Variants in CHN1 observed in about 807,000 individuals in gnomAD.
CHN1 encodes chimerin 1.
In CHN1, 37 loss-of-function variants were observed where a neutral mutation model predicts 59.5. The ratio of observed to expected loss-of-function variants is 0.62; its 90% CI spans 0.48 to 0.82. CHN1 has a LOEUF of 0.82. Ranked by LOEUF, CHN1 falls within the 40% of genes least tolerant of loss-of-function variation. CHN1 has a pLI of 0.00. For synonymous variants in CHN1, 206 were observed against 200.4 expected (o/e 1.03, Z -0.24); for missense variants, 469 against 571.0 (o/e 0.82, Z 1.82).
intron 3 of CHN1, among the ~76,000 whole-genome samples, chr2:174,924,030 G>A (rs943254794): frequency 1.3e-5 from 2 of 151,808 alleles, no homozygotes; most frequent in Non-Finnish European, 2.9e-5. Context: ...ATAGTAAAGG[G>A]GATCACAATA....
intron 11 of CHN1, among the ~76,000 whole-genome samples, chr2:174,808,116 T>C (rs945473006): frequency 1.3e-5 from 2 of 152,246 alleles, no homozygotes; most frequent in African/African-American, 2.4e-5. Context: ...TGATATAAAA[T>C]AGTGCTTTTT....
intron 8 of CHN1, among the ~76,000 whole-genome samples, chr2:174,818,428 G>A (rs186289723): frequency 3.3e-5 from 5 of 152,028 alleles, no homozygotes; most frequent in Admixed American, 1.3e-4. Flanking sequence ...AGGGACTAAC[G>A]GTATATCAAT....
intron 6 of CHN1, among the ~76,000 whole-genome samples, chr2:174,860,743 A>G (rs1386471512): frequency 6.6e-6 from 1 of 152,156 alleles, no homozygotes; most frequent in Admixed American, 6.6e-5. Flanking sequence ...TTTTCTAACA[A>G]AAGTTGAATT....
intron 3 of CHN1, among the ~76,000 whole-genome samples, chr2:174,918,778 T>C (rs937997286): frequency 1.3e-5 from 2 of 152,220 alleles, no homozygotes; most frequent in South Asian, 2.1e-4. Context: ...TAAAATGCTA[T>C]GTATGTAGTT....
intron 6 of CHN1, among the ~76,000 whole-genome samples, chr2:174,852,736 CA>C: frequency 6.6e-6 from 1 of 152,198 alleles, no homozygotes; most frequent in Non-Finnish European, 1.5e-5. Flanking sequence ...AACAGACACA[CA>C]GACCAATGGA....
At chr2:174,940,471 G>C (rs929041268) in intron 3 of CHN1, among the ~76,000 whole-genome samples, 1 of 151,760 alleles carries the variant, frequency 6.6e-6, no homozygotes, top group African/African-American at 2.4e-5. Flanking sequence ...ACCCGATCAA[G>C]GTCCTTGAAT....
intron 11 of CHN1, among the ~76,000 whole-genome samples, chr2:174,806,230 A>G (rs982943413): frequency 1.3e-5 from 2 of 152,044 alleles, no homozygotes; most frequent in African/African-American, 2.4e-5. Context: ...GTAGCATGGG[A>G]TGACCTGGCC....
At chr2:174,988,854 T>C (rs941242601) in intron 1 of CHN1, among the ~76,000 whole-genome samples, 6 of 152,132 alleles carry the variant, frequency 3.9e-5, no homozygotes, top group Admixed American at 6.5e-5. Flanking sequence ...AACACAAGGG[T>C]TTAAAGTATT....
At chr2:174,925,799 T>C (rs745598587) in intron 3 of CHN1, among the ~76,000 whole-genome samples, 10 of 152,266 alleles carry the variant, frequency 6.6e-5, no homozygotes, top group Non-Finnish European at 1.2e-4. Context: ...CCAATGTTCT[T>C]CCATGTATGG....
At chr2:174,946,939 A>T (rs1489419886) in intron 2 of CHN1, among the ~76,000 whole-genome samples, 2 of 149,486 alleles carry the variant, frequency 1.3e-5, no homozygotes, top group East Asian at 3.9e-4. Flanking sequence ...CTTCAAGTCC[A>T]TTCCTCCATA....
chr2:174,847,388 A>G (rs1472691619), intron 6 of CHN1: 6 of 1,232,500 alleles, frequency 4.9e-6, no homozygotes, highest in Non-Finnish European at 6.1e-6. Flanking sequence ...GAGTCTGAAC[A>G]GAAATAAAAA....
intron 5 of CHN1, among the ~76,000 whole-genome samples, chr2:174,905,442 C>T (rs1030379593): frequency 1.3e-5 from 2 of 152,114 alleles, no homozygotes; most frequent in African/African-American, 2.4e-5. Flanking sequence ...TTGAAATCAG[C>T]TTTTTGGCTT....
chr2:174,850,470 A>T (rs965743330), intron 6 of CHN1, among the ~76,000 whole-genome samples: 1 of 152,186 alleles, frequency 6.6e-6, no homozygotes, highest in African/African-American at 2.4e-5. Context: ...CCTCATCTAC[A>T]TAATATGAAT....
At chr2:174,835,814 T>C (rs1479230391) in intron 7 of CHN1, among the ~76,000 whole-genome samples, 3 of 152,180 alleles carry the variant, frequency 2.0e-5, no homozygotes, top group Non-Finnish European at 4.4e-5. Flanking sequence ...ACTAAGATGA[T>C]ACCCTCTTGA....
chr2:174,877,846 C>T lies in CHN1; in HGVS notation c.543G>A (p.Glu181=). The change falls in exon 6 of 13, where the codon GAG becomes GAA. Residue 181 remains glutamate, a synonymous_variant. Transcript: ENST00000409900. ...RDSTGQDGVS[E]KRLTSLVRRA... ...TGGTTTCATAGTAGCTTACCCTTTTCTCTGACACCCCATCCTGGCCTGTAG... is the reference window on the plus strand; with the variant it reads ...TGGTTTCATAGTAGCTTACCCTTTTTTCTGACACCCCATCCTGGCCTGTAG... 1 of 1,610,956 alleles carries T rather than the reference C, an allele frequency of 6.2e-7. No homozygotes were observed. Among genetic ancestry groups the T allele is most frequent in the Non-Finnish European group, 8.5e-7 (1 of 1,178,208 alleles).
chr2:174,821,923 G>T, intron 8 of CHN1: 1 of 261,630 alleles, frequency 3.8e-6, no homozygotes, highest in Admixed American at 4.8e-5. Flanking sequence ...AAGGAATGTT[G>T]TTCTGGGAAT....
intron 2 of CHN1, among the ~76,000 whole-genome samples, chr2:174,948,103 C>T (rs1485004583): frequency 6.6e-6 from 1 of 152,176 alleles, no homozygotes; most frequent in African/African-American, 2.4e-5. Flanking sequence ...ATAAATTGTT[C>T]ATCAAGTCCA....
chr2:174,935,962 A>G (rs1346418822), intron 3 of CHN1, among the ~76,000 whole-genome samples: 1 of 152,132 alleles, frequency 6.6e-6, no homozygotes, highest in African/African-American at 2.4e-5. Context: ...AAATAAAAAT[A>G]AAACATGTGC....
At chr2:174,956,654 C>A (rs1364236164) in intron 1 of CHN1, among the ~76,000 whole-genome samples, 1 of 151,780 alleles carries the variant, frequency 6.6e-6, no homozygotes, top group Admixed American at 6.6e-5. Flanking sequence ...TACCTGTACC[C>A]CAGCTACTCA....
Sources: gnomAD v4.1 joint callset for allele counts (sites outside exome capture counted in the v4.1 genomes callset) on GRCh38, gnomAD v4.1.1 for gene constraint, MANE v1.5 for transcripts, NCBI Gene and HGNC (gene_info 2026-07-23, HGNC 2026-07-21) for gene names.